IFT172: variants seen among roughly 807,000 people sequenced by gnomAD.
The protein encoded by IFT172 is intraflagellar transport protein 172 homolog.
A neutral mutation model predicts 248.9 loss-of-function variants in IFT172; 164 were observed. The observed-to-expected ratio is 0.66, with a 90% CI of 0.58 to 0.75. The LOEUF (loss-of-function observed/expected upper bound fraction) is 0.75. Ranked by LOEUF, IFT172 falls within the 30% of genes least tolerant of loss-of-function variation. The pLI, the probability that IFT172 is intolerant of heterozygous loss-of-function variation, is 0.00. For synonymous variants in IFT172, 729 were observed against 791.6 expected, an observed-to-expected ratio of 0.92 and a Z score of 1.33; for missense variants, 1,950 against 2,192.4, an observed-to-expected ratio of 0.89 and a Z score of 2.21.
intron 29 of IFT172, among the ~76,000 whole-genome samples, 174 bp downstream of exon 29, chr2:27,457,465 G>A (rs1029188270): frequency 6.6e-6 from 1 of 152,140 alleles, no homozygotes; most frequent in African/African-American, 2.4e-5. Flanking sequence ...CAGCTACTCA[G>A]GAGGTTGAGG....
In IFT172 at chr2:27,447,500, C is replaced by G. The variant is rs750640960; in HGVS notation, c.4659+15G>C. On this transcript the variant is annotated intron_variant, in intron 42 of 47. Transcript: ENST00000260570. The stretch of plus-strand genomic sequence containing the variant: ...CCCTTCTGACTGAGTGTTCCTTCGA[C>G]CCCCTACATCTCACCAGCTGTTTGA... 2 of 1,612,488 alleles carry G rather than the reference C, an allele frequency of 1.2e-6. No individual in the cohort carries two copies. Among genetic ancestry groups the G allele is most frequent in the South Asian group, 2.2e-5 (2 of 90,856 alleles).
At chr2:27,480,354 AGAGT>A (rs1668272491) in intron 8 of IFT172, among the ~76,000 whole-genome samples, 1 of 152,170 alleles carries the variant, frequency 6.6e-6, no homozygotes, top group African/African-American at 2.4e-5. Flanking sequence ...AAACAGAATA[AGAGT>A]GAGGGGAGCA....
chr2:27,488,182 T>C (rs1022884761), intron 1 of IFT172, among the ~76,000 whole-genome samples: 5 of 151,070 alleles, frequency 3.3e-5, no homozygotes, highest in African/African-American at 1.2e-4. Context: ...GGACAAAGTC[T>C]CACTCTTGTC....
chr2:27,464,067 A>G (rs920021010), intron 18 of IFT172, among the ~76,000 whole-genome samples: 7 of 152,248 alleles, frequency 4.6e-5, no homozygotes, highest in Non-Finnish European at 8.8e-5. Flanking sequence ...TACAAGAAAC[A>G]GTATCAGTGC....
chr2:27,450,693 C>T (rs1665580386), intron 35 of IFT172, among the ~76,000 whole-genome samples: 1 of 152,176 alleles, frequency 6.6e-6, no homozygotes, highest in Non-Finnish European at 1.5e-5. Flanking sequence ...CAGGTTCAAG[C>T]AATTCTCTTG....
At chr2:27,449,598 C>T in intron 37 of IFT172, 36 bp from the exon 38 acceptor site, 1 of 1,613,708 alleles carries the variant, frequency 6.2e-7, no homozygotes, top group Non-Finnish European at 8.5e-7. Flanking sequence ...TCTTCATGTT[C>T]CAGAATACCA....
rs970385102 is a variant in IFT172 at position 27,477,300 on chromosome 2, G to A, written c.1242C>T (p.Ala414=). 27 of 1,613,936 alleles carry A rather than the reference G, an allele frequency of 1.7e-5. No individual in the cohort carries two copies. The highest frequency in any genetic ancestry group is 2.7e-5 in the African/African-American group (2 of 74,894). The change falls in exon 13 of 48, where the codon GCC becomes GCT. Residue 414 remains alanine, a synonymous_variant. Coordinates refer to ENST00000260570, the MANE Select transcript of IFT172 (RefSeq NM_015662.3). ...ENENVCMIFN[A]GELTLVEYGN... is the part of the protein sequence containing the mutation. ...CATATTCCACCAGGGTTAGCTCTCC[G>A]GCATTGAAGATCATGCATACCTGGG... is the stretch of plus-strand genomic sequence containing the variant.
At position 27,448,591 on chromosome 2, in the gene IFT172, C is replaced by T. The variant is rs142856633; in HGVS notation, c.4428+324G>A. 1.6e-4 allele frequency among the ~76,000 whole-genome samples: 25 copies of T among 152,282 alleles called. 1 individual carries two copies. The highest frequency in any genetic ancestry group is 5.8e-4 in the African/African-American group (24 of 41,572). ...CAGATCAGGGAGCAGTGTTCATTCT[C>T]TGGAGGAAGTCAATAAAGGCCCTAG... On this transcript the variant is annotated intron_variant, in intron 40 of 47. Coordinates refer to ENST00000260570, the MANE Select transcript of IFT172 (RefSeq NM_015662.3).
At chr2:27,476,026 T>C (rs1393912050) in intron 14 of IFT172, among the ~76,000 whole-genome samples, 1 of 152,074 alleles carries the variant, frequency 6.6e-6, no homozygotes, top group Non-Finnish European at 1.5e-5. Context: ...AATATGAACA[T>C]ATAAGATTTA....
chr2:27,457,700 T>C lies in IFT172; in HGVS notation c.3167A>G (p.Gln1056Arg), dbSNP rs1666271835. Residue 1056 changes from glutamine (Q) to arginine (R), a missense_variant, in exon 29 of 48, where the codon CAG becomes CGG. Around this residue, in one of 3 missense-constraint regions of IFT172, gnomAD observed 164 missense variants for 239.3 expected, o/e 0.69. Transcript: ENST00000260570. ...QEAEYHYLEA[Q>R]EWKATVNMYR... Reference sequence around the variant, plus strand: ...CATGTTCACTGTTGCCTTCCATTCCTGGGCCTCGAGGTAGTGGTACTCAGC... The same window carrying C: ...CATGTTCACTGTTGCCTTCCATTCCCGGGCCTCGAGGTAGTGGTACTCAGC... 1.2e-6 allele frequency: 2 copies of C among 1,614,208 alleles called. No individual in the cohort carries two copies. The highest frequency in any genetic ancestry group is 1.7e-6 in the Non-Finnish European group (2 of 1,180,040).
intron 30 of IFT172, among the ~76,000 whole-genome samples, chr2:27,456,032 T>C (rs1484449098): frequency 1.3e-5 from 2 of 151,906 alleles, no homozygotes; most frequent in Non-Finnish European, 2.9e-5. Flanking sequence ...GCCAACATGG[T>C]GAAACCCCAT....
chr2:27,485,240 A>G, intron 2 of IFT172, 110 bp from the exon 3 acceptor site: 1 of 1,515,628 alleles, frequency 6.6e-7, no homozygotes. Context: ...GAGGATTTAT[A>G]CTGAGAAAAA....
chr2:27,459,214 T>G, intron 25 of IFT172, 164 bp downstream of exon 25: 2 of 858,206 alleles, frequency 2.3e-6, no homozygotes, highest in Non-Finnish European at 3.5e-6. Flanking sequence ...CACACTGGAA[T>G]GAAAATGGGA....
chr2:27,485,134 A>G lies in IFT172; in HGVS notation c.184-4T>C. Reference sequence around the variant, plus strand: ...CCATATAGCTCTTCCTGCCATACTAAGAGTTTAAAAAAAAAAAAAGAAAGA... The same window carrying G: ...CCATATAGCTCTTCCTGCCATACTAGGAGTTTAAAAAAAAAAAAAGAAAGA... On this transcript the variant is annotated splice_region_variant and splice_polypyrimidine_tract_variant and intron_variant, in intron 2 of 47. Transcript: ENST00000260570. The G allele has an allele frequency of 6.4e-7, 1 of 1,554,674 alleles. No individual in the cohort carries two copies. Among genetic ancestry groups the G allele is most frequent in the Non-Finnish European group, 8.8e-7 (1 of 1,140,224 alleles).
chr2:27,453,511 C>T lies in IFT172; in HGVS notation c.3824G>A (p.Gly1275Asp), dbSNP rs543062539. ...EREATKKGAR[G>D]VEGFVEQARH... ...AGCTTGTTCCACAAATCCCTCCACA[C>T]CCCTGTGGAGATGAGAGCGCTGGGA... is the stretch of plus-strand genomic sequence containing the variant. Residue 1275 changes from glycine (G) to aspartate (D), a missense_variant and splice_region_variant, in exon 35 of 48, where the codon GGT becomes GAT. Gly to Asp is a moderately conservative substitution (Grantham distance 94). Coordinates refer to ENST00000260570, the MANE Select transcript of IFT172 (RefSeq NM_015662.3). The T allele has an allele frequency of 6.2e-7, 1 of 1,614,012 alleles. No homozygotes were observed. The highest frequency in any genetic ancestry group is 2.2e-5 in the East Asian group (1 of 44,874).
At chr2:27,457,224 CT>C (rs1666232619) in intron 29 of IFT172, among the ~76,000 whole-genome samples, 1 of 152,090 alleles carries the variant, frequency 6.6e-6, no homozygotes, top group Non-Finnish European at 1.5e-5. Context: ...AGACTCTGAT[CT>C]TCACTACATT....
intron 35 of IFT172, among the ~76,000 whole-genome samples, chr2:27,452,224 G>C (rs765780201): frequency 7.9e-5 from 12 of 152,162 alleles, no homozygotes; most frequent in Non-Finnish European, 1.6e-4. Flanking sequence ...CCAAGTTAGA[G>C]AGAATTCTTC....
At chr2:27,485,572 A>G (rs1572838176) in intron 1 of IFT172, 69 bp from the exon 2 acceptor site, 1 of 1,568,634 alleles carries the variant, frequency 6.4e-7, no homozygotes, top group African/African-American at 1.4e-5. Flanking sequence ...TTCTAGCTTC[A>G]TTAATTCTAG....
chr2:27,453,433 T>C lies in IFT172; in HGVS notation c.3902A>G (p.Lys1301Arg), dbSNP rs756456526. ...EYSRAVDCYL[K>R]VRDSGNSGLA... is the part of the protein sequence containing the mutation. ...GCCGCTGTTTCCAGAGTCTCGCACT[T>C]TGAGGTAGCAGTCCACGGCACGGCT... Residue 1301 changes from lysine to arginine, a missense_variant, in exon 35 of 48, where the codon AAA (lysine) becomes AGA (arginine). By Grantham distance (26) the Lys-to-Arg change is conservative (BLOSUM62 2). This residue lies in a region of IFT172 where 620 missense variants were observed against 699.0 expected (regional missense o/e 0.89). Coordinates refer to ENST00000260570, the MANE Select transcript of IFT172 (RefSeq NM_015662.3). 1.2e-5 allele frequency: 20 copies of C among 1,614,072 alleles called. No homozygotes were observed. The highest frequency in any genetic ancestry group is 1.7e-5 in the Non-Finnish European group (20 of 1,180,026).
Sources: allele counts gnomAD v4.1 joint callset (sites outside exome capture counted in the v4.1 genomes callset), GRCh38; gene constraint gnomAD v4.1.1; regional missense constraint gnomAD v4.1.1; transcripts MANE v1.5; gene names NCBI Gene and HGNC (gene_info 2026-07-23, HGNC 2026-07-21).